TRIM2: variants seen among roughly 807,000 people sequenced by gnomAD.
TRIM2 encodes tripartite motif containing 2.
Under a neutral mutation model 75.2 loss-of-function variants are expected in TRIM2, and 20 were observed. The observed-to-expected ratio is 0.27, with a 90% confidence interval of 0.19 to 0.39. The LOEUF is 0.39. Among genes scored for constraint, TRIM2 ranks in the 10% least tolerant of loss-of-function variants. The probability of loss-of-function intolerance (pLI) is 1.00; values close to 1 mark genes in which losing one functional copy is unlikely to be tolerated. For missense variants in TRIM2, 660 were observed against 990.8 expected, an observed-to-expected ratio of 0.67 and a Z score of 4.48; for synonymous variants, 373 against 388.3, an observed-to-expected ratio of 0.96 and a Z score of 0.46.
At chr4:153,183,155 G>A (rs1295058365) in intron 1 of TRIM2, among the ~76,000 whole-genome samples, 1 of 152,174 alleles carries the variant, frequency 6.6e-6, no homozygotes, top group African/African-American at 2.4e-5. Flanking sequence ...CTTCCTCCAA[G>A]GCCTCTCATG....
At chr4:153,273,879 A>G in intron 2 of TRIM2, among the ~76,000 whole-genome samples, 1 of 152,246 alleles carries the variant, frequency 6.6e-6, no homozygotes, top group Admixed American at 6.5e-5. Flanking sequence ...AATTAACTAA[A>G]CAAAGGGGAG....
chr4:153,250,913 A>AT (rs545220780), intron 1 of TRIM2, among the ~76,000 whole-genome samples: 1 of 152,054 alleles, frequency 6.6e-6, no homozygotes, highest in Admixed American at 6.6e-5. Context: ...TGTGTCATTT[A>AT]TTTTTTTGTC....
At chr4:153,302,647 G>GC (rs1764154772) in intron 6 of TRIM2, among the ~76,000 whole-genome samples, 3 of 152,192 alleles carry the variant, frequency 2.0e-5, no homozygotes, top group African/African-American at 7.2e-5. Context: ...AGTGTGAAAA[G>GC]GTCAAAGGGA....
At chr4:153,266,156 A>G (rs1370633514) in intron 1 of TRIM2, among the ~76,000 whole-genome samples, 1 of 151,998 alleles carries the variant, frequency 6.6e-6, no homozygotes. Context: ...AAGGTTCTAT[A>G]TGTTATTTTA....
In TRIM2 at chr4:153,336,805, C is replaced by T; in HGVS notation, c.*1839C>T. ...AATCAACCTCTGAAAAAAGGTTTTT[C>T]CAGGAAGATTTACATTTAGGTTTAA... On this transcript the variant is annotated 3_prime_UTR_variant, in exon 12 of 12. Transcript: ENST00000338700. 1.0e-6 allele frequency: 1 copy of T among 985,428 alleles called. No homozygotes were observed. The highest frequency in any genetic ancestry group is 1.2e-6 in the Non-Finnish European group (1 of 829,630). The allele number at this position is 985,428 out of a possible 1,614,324, so 61.0% of individuals were successfully genotyped here.
At chr4:153,235,992 G>C (rs553402296) in intron 1 of TRIM2, among the ~76,000 whole-genome samples, 32 of 151,982 alleles carry the variant, frequency 2.1e-4, no homozygotes, top group Non-Finnish European at 4.3e-4. Flanking sequence ...GGATCCGGTG[G>C]GGATCAAATC....
chr4:153,260,752 C>G (rs1045551990), intron 1 of TRIM2, among the ~76,000 whole-genome samples: 6 of 132,822 alleles, frequency 4.5e-5, no homozygotes, highest in East Asian at 2.3e-4. Context: ...TCATGATCAT[C>G]ATCATCATCA....
chr4:153,280,833 C>T (rs1040561080), intron 3 of TRIM2, among the ~76,000 whole-genome samples: 25 of 152,130 alleles, frequency 1.6e-4, no homozygotes, highest in African/African-American at 3.6e-4. Context: ...TACAGATGCC[C>T]GCCACCAAAC....
Position 153,204,496 on chromosome 4 carries a change from G to A in TRIM2, c.-35G>A, listed in dbSNP as rs1248638841. ...TTGTCTGCGGGCTGCGGGGAGCTAA[G>A]TCCCCAGATTGGAGGAGGCTGGCTC... On this transcript the variant is annotated 5_prime_UTR_variant, in exon 1 of 12. Transcript: ENST00000338700. 2.1e-5 allele frequency: 32 copies of A among 1,551,428 alleles called. 1 individual carries two copies. Among genetic ancestry groups the A allele is most frequent in the East Asian group, 2.0e-4 (8 of 40,932 alleles).
chr4:153,183,200 C>A (rs936766572), intron 1 of TRIM2, among the ~76,000 whole-genome samples: 22 of 152,236 alleles, frequency 1.4e-4, no homozygotes, highest in African/African-American at 5.3e-4. Context: ...CTCCTCTGAA[C>A]ACACAGCTGT....
chr4:153,301,830 G>A (rs908874778), intron 6 of TRIM2, among the ~76,000 whole-genome samples: 11 of 152,100 alleles, frequency 7.2e-5, no homozygotes, highest in South Asian at 2.1e-4. Flanking sequence ...TCTCTATTCT[G>A]TACCAGTGGT....
chr4:153,283,357 C>A (rs1226234075), intron 3 of TRIM2, among the ~76,000 whole-genome samples: 1 of 152,158 alleles, frequency 6.6e-6, no homozygotes, highest in Non-Finnish European at 1.5e-5. Flanking sequence ...AGCATGTTTT[C>A]AAGGTTCATC....
At position 153,315,492 on chromosome 4, in the gene TRIM2, A is replaced by G. The variant is rs773419235; in HGVS notation, c.1518A>G (p.Lys506=). ...TTTTATCATTTATTTTAGGTACCAA[A>G]GGAAGAAATAAAGGAGAGTTTACAA... The part of the protein sequence containing the change: ...EDDLIFRVGT[K]GRNKGEFTNL... The change falls in exon 7 of 12, where the codon AAA becomes AAG. Residue 506 remains lysine (K), a synonymous_variant. Coordinates refer to ENST00000338700, the MANE Select transcript of TRIM2 (RefSeq NM_015271.5). 13 of 1,599,084 alleles carry G rather than the reference A, an allele frequency of 8.1e-6. No individual in the cohort carries two copies. Among genetic ancestry groups the G allele is most frequent in the Admixed American group, 1.8e-5 (1 of 54,830 alleles).
chr4:153,177,693 T>C (rs1731589353), intron 1 of TRIM2, among the ~76,000 whole-genome samples: 1 of 126,730 alleles, frequency 7.9e-6, no homozygotes, highest in African/African-American at 3.1e-5. Flanking sequence ...AAAGGGAGAA[T>C]GGATGGTGGC....
Position 153,162,167 on chromosome 4 carries a change from C to T in TRIM2, c.-49+8897C>T, listed in dbSNP as rs145167928. Among the ~76,000 whole-genome samples, 493 of 152,200 alleles carry T rather than the reference C, an allele frequency of 3.2e-3. 3 individuals are homozygous for T. Among genetic ancestry groups the T allele is most frequent in the African/African-American group, 0.011 (471 of 41,526 alleles). On this transcript the variant is annotated intron_variant, in intron 1 of 11. Coordinates refer to the TRIM2 transcript ENST00000437508. ...GCATATAGTACATCTTCAAGAAATA[C>T]TTGTTTGGATTGAGTGTATCAGGGT...
intron 1 of TRIM2, among the ~76,000 whole-genome samples, chr4:153,174,628 ACTCACCAATTATTCAT>A (rs1731226879): frequency 6.6e-6 from 1 of 152,138 alleles, no homozygotes; most frequent in Admixed American, 6.5e-5. Flanking sequence ...GCAGCAATAT[ACTCACCAATTATTCAT>A]CTCACTGAAT....
intron 1 of TRIM2, among the ~76,000 whole-genome samples, chr4:153,263,548 C>T (rs1754123406): frequency 6.6e-6 from 1 of 152,194 alleles, no homozygotes; most frequent in Admixed American, 6.5e-5. Context: ...CTTCTAGGTG[C>T]TGGAACTACT....
intron 10 of TRIM2, among the ~76,000 whole-genome samples, chr4:153,327,997 C>T (rs1283124367): frequency 6.6e-6 from 1 of 152,212 alleles, no homozygotes; most frequent in East Asian, 1.9e-4. Context: ...CACACACATG[C>T]AATGAATTTC....
chr4:153,296,638 G>A (rs1023171560), intron 6 of TRIM2, among the ~76,000 whole-genome samples: 1 of 152,212 alleles, frequency 6.6e-6, no homozygotes. Context: ...TTGAGGCGGG[G>A]TTGGGGTGGA....
Sources: gnomAD v4.1 joint callset for allele counts (sites outside exome capture counted in the v4.1 genomes callset) on GRCh38, gnomAD v4.1.1 for gene constraint, MANE v1.5 for transcripts, NCBI Gene and HGNC (gene_info 2026-07-23, HGNC 2026-07-21) for gene names.